Variants in PAK3 observed in about 807,000 individuals in gnomAD.
PAK3 encodes serine/threonine-protein kinase PAK 3.
PAK3 carries 4 observed loss-of-function variants against 41.0 expected under a neutral mutation model. The observed-to-expected ratio is 0.10, with a 90% confidence interval of 0.05 to 0.22. PAK3 has a LOEUF of 0.22. Ranked by LOEUF, PAK3 falls within the 10% of genes least tolerant of loss-of-function variation. The probability of loss-of-function intolerance (pLI) is 1.00; values close to 1 mark genes in which losing one functional copy is unlikely to be tolerated. For missense variants in PAK3, 205 were observed against 409.9 expected (o/e 0.50, Z 4.32); for synonymous variants, 146 against 139.6 (o/e 1.05, Z -0.32).
intron 16 of PAK3, among the ~76,000 whole-genome samples, chrX:111,203,310 A>G (rs1430185813): frequency 8.9e-6 from 1 of 112,292 alleles, no homozygotes; most frequent in East Asian, 2.8e-4. Flanking sequence ...TCTCTGATTT[A>G]CCAGTTGAGT....
intron 5 of PAK3, among the ~76,000 whole-genome samples, chrX:111,131,977 G>A (rs1436249893): frequency 9.0e-6 from 1 of 110,814 alleles, no homozygotes. Context: ...GAAGCAAAAT[G>A]GCATTTTTTT....
At chrX:111,144,261 C>T (rs778504576) in intron 6 of PAK3, among the ~76,000 whole-genome samples, 1 of 111,705 alleles carries the variant, frequency 9.0e-6, no homozygotes, top group South Asian at 3.8e-4. Flanking sequence ...GATAGCTGTT[C>T]GGAAGTATTC....
intron 11 of PAK3, among the ~76,000 whole-genome samples, chrX:111,177,885 C>T (rs1024271263): frequency 9.0e-6 from 1 of 111,686 alleles, no homozygotes; most frequent in Non-Finnish European, 1.9e-5. Flanking sequence ...CACTGAAAAA[C>T]AGGCCTTTTT....
At chrX:111,155,740 G>A (rs1311067680) in intron 8 of PAK3, among the ~76,000 whole-genome samples, 1 of 111,220 alleles carries the variant, frequency 9.0e-6, no homozygotes, top group Non-Finnish European at 1.9e-5. Context: ...AGATCTTAAA[G>A]GTCAGATGAG....
chrX:111,030,351 G>T (rs929135715), intron 1 of PAK3, among the ~76,000 whole-genome samples: 7 of 110,869 alleles, frequency 6.3e-5, no homozygotes, highest in Non-Finnish European at 1.1e-4. Context: ...TGAGAAGGAA[G>T]GACAGGACTG....
chrX:111,145,226 T>A (rs1280901697), intron 6 of PAK3, among the ~76,000 whole-genome samples: 1 of 112,240 alleles, frequency 8.9e-6, no homozygotes, highest in Non-Finnish European at 1.9e-5. Flanking sequence ...TAATTGGATT[T>A]GTCTCAACTT....
intron 6 of PAK3, among the ~76,000 whole-genome samples, chrX:111,143,024 G>T (rs1260177931): frequency 2.7e-5 from 3 of 110,014 alleles, no homozygotes. Context: ...GAAAAGATGT[G>T]GCTATTGCTA....
intron 5 of PAK3, among the ~76,000 whole-genome samples, chrX:111,133,279 A>G (rs1038047342): frequency 9.0e-5 from 10 of 110,512 alleles, no homozygotes; most frequent in Non-Finnish European, 3.8e-5. Context: ...TTTTACCTCT[A>G]CTGTTCTTCC....
chrX:110,978,629 AT>A (rs1431195280), intron 1 of PAK3, among the ~76,000 whole-genome samples: 1 of 111,068 alleles, frequency 9.0e-6, no homozygotes, highest in Non-Finnish European at 1.9e-5. Context: ...TATGAAGGAT[AT>A]TGGTTTGTGC....
At chrX:111,083,796 G>A (rs1029234261) in intron 1 of PAK3, among the ~76,000 whole-genome samples, 1 of 112,305 alleles carries the variant, frequency 8.9e-6, no homozygotes, top group African/African-American at 3.2e-5. Context: ...CTCCACTCAT[G>A]CAGTACCTAC....
chrX:111,184,635 G>C (rs1468578888), intron 11 of PAK3, among the ~76,000 whole-genome samples: 1 of 108,130 alleles, frequency 9.2e-6, no homozygotes, highest in African/African-American at 3.4e-5. Flanking sequence ...CCACTTATGA[G>C]TGAGAATATA....
chrX:110,962,987 G>C (rs12559539), intron 1 of PAK3, among the ~76,000 whole-genome samples: 1,706 of 111,260 alleles, frequency 0.015, 76 homozygotes, highest in Admixed American at 0.11. Flanking sequence ...GTGTTGTAAG[G>C]CCCTTTCTCT....
At chrX:111,146,862 G>A (rs762672110) in intron 6 of PAK3, among the ~76,000 whole-genome samples, 1 of 111,928 alleles carries the variant, frequency 8.9e-6, no homozygotes, top group African/African-American at 3.2e-5. Context: ...GGCTGGACAT[G>A]TAGGAAAGAA....
intron 4 of PAK3, among the ~76,000 whole-genome samples, chrX:111,115,975 A>G: frequency 9.0e-6 from 1 of 111,562 alleles, no homozygotes; most frequent in Middle Eastern, 4.6e-3. Flanking sequence ...AATCTCTAGG[A>G]AATTCAGGAA....
At chrX:110,987,252 A>T (rs1240420281) in intron 1 of PAK3, among the ~76,000 whole-genome samples, 2 of 112,554 alleles carry the variant, frequency 1.8e-5, no homozygotes, top group Non-Finnish European at 3.8e-5. Flanking sequence ...TACAAATTGC[A>T]TGGCAAAAAT....
In PAK3 at chrX:111,221,731, A is replaced by C. The variant is rs1260424438; in HGVS notation, c.*1284A>C. ...TATTTGGCTCTAAGTACCTCTTCCCATTTTTCCTATGTATCACCTATTTCT... is the reference window on the plus strand; with the variant it reads ...TATTTGGCTCTAAGTACCTCTTCCCCTTTTTCCTATGTATCACCTATTTCT... On this transcript the variant is annotated 3_prime_UTR_variant, in exon 18 of 18. Coordinates refer to ENST00000372007, the MANE Select transcript of PAK3 (RefSeq NM_002578.5). 2 of 111,213 alleles carry C rather than the reference A, an allele frequency of 1.8e-5. No homozygotes were observed. The highest frequency in any genetic ancestry group is 9.5e-5 in the Admixed American group (1 of 10,482). The allele number at this position is 111,213 out of a possible 1,213,427, so 9.2% of individuals were successfully genotyped here. A position where few individuals can be genotyped will look rare whatever the true frequency, so the allele number is the denominator to read the frequency against.
chrX:111,013,402 A>G (rs2092039797), intron 1 of PAK3, among the ~76,000 whole-genome samples: 1 of 111,052 alleles, frequency 9.0e-6, no homozygotes, highest in African/African-American at 3.3e-5. Context: ...ATGAGACCCT[A>G]ATTCCATCTC....
At chrX:111,108,539 G>A (rs2148928775) in intron 4 of PAK3, among the ~76,000 whole-genome samples, 1 of 112,319 alleles carries the variant, frequency 8.9e-6, no homozygotes, top group South Asian at 3.7e-4. Context: ...GATTCTTATG[G>A]GAGCGTGAGC....
At chrX:111,171,718 A>T (rs1299932800) in intron 10 of PAK3, among the ~76,000 whole-genome samples, 1 of 111,851 alleles carries the variant, frequency 8.9e-6, no homozygotes, top group East Asian at 2.8e-4. Context: ...CTAAGGGAAG[A>T]TGGGGAGTAA....
Sources: allele counts gnomAD v4.1 joint callset (sites outside exome capture counted in the v4.1 genomes callset), GRCh38; gene constraint gnomAD v4.1.1; transcripts MANE v1.5; gene names NCBI Gene and HGNC (gene_info 2026-07-23, HGNC 2026-07-21).